DLC1: variants seen among roughly 807,000 people sequenced by gnomAD.
DLC1 encodes DLC1 Rho GTPase activating protein.
Under a neutral mutation model 140.3 loss-of-function variants are expected in DLC1, and 54 were observed. That is an observed-to-expected ratio of 0.38 (90% CI 0.31 to 0.48). The LOEUF is 0.48. Ranked by LOEUF, DLC1 falls within the 20% of genes least tolerant of loss-of-function variation. DLC1 has a pLI of 0.96. For synonymous variants in DLC1, 986 were observed against 728.1 expected (o/e 1.35, Z -5.70); for missense variants, 2,536 against 1,907.0 (o/e 1.33, Z -6.14).
chr8:13,298,007 T>C (rs1464672501), intron 5 of DLC1, among the ~76,000 whole-genome samples: 1 of 152,180 alleles, frequency 6.6e-6, no homozygotes, highest in Non-Finnish European at 1.5e-5. Flanking sequence ...TGGAATAAAA[T>C]TATGAAAATT....
At chr8:13,570,666 G>A (rs1804621288) in intron 1 of DLC1, among the ~76,000 whole-genome samples, 1 of 151,678 alleles carries the variant, frequency 6.6e-6, no homozygotes, top group East Asian at 1.9e-4. Flanking sequence ...TGGTGTATAT[G>A]TGCCAGATTT....
At chr8:13,147,440 T>G (rs1284036664) in intron 5 of DLC1, among the ~76,000 whole-genome samples, 1 of 152,224 alleles carries the variant, frequency 6.6e-6, no homozygotes. Flanking sequence ...ATTTCGAATC[T>G]GAAAACTGGA....
At chr8:13,253,302 G>C (rs1483394956) in intron 5 of DLC1, among the ~76,000 whole-genome samples, 1 of 152,202 alleles carries the variant, frequency 6.6e-6, no homozygotes, top group Non-Finnish European at 1.5e-5. Context: ...TTTGCTTCTT[G>C]CACAGATGTC....
intron 5 of DLC1, chr8:13,132,944 G>A (rs1400383849): frequency 6.2e-7 from 1 of 1,608,578 alleles, no homozygotes; most frequent in East Asian, 2.2e-5. Context: ...TCTAGCTTAC[G>A]TGTTAGGATC....
intron 4 of DLC1, among the ~76,000 whole-genome samples, chr8:13,335,414 G>A (rs986049663): frequency 1.3e-5 from 2 of 152,190 alleles, no homozygotes; most frequent in South Asian, 2.1e-4. Context: ...TTTTCTCTAC[G>A]GAATACTAAT....
chr8:13,170,397 T>A (rs939866168), intron 5 of DLC1, among the ~76,000 whole-genome samples: 1 of 152,172 alleles, frequency 6.6e-6, no homozygotes, highest in African/African-American at 2.4e-5. Flanking sequence ...TAGTAACATA[T>A]AAATGGCATA....
chr8:13,225,785 T>C (rs1828770320), intron 5 of DLC1, among the ~76,000 whole-genome samples: 1 of 151,946 alleles, frequency 6.6e-6, no homozygotes, highest in Non-Finnish European at 1.5e-5. Flanking sequence ...CCGGCTAATT[T>C]TTTGTATTTT....
chr8:13,215,537 G>C (rs185405364), intron 5 of DLC1, among the ~76,000 whole-genome samples: 1 of 152,128 alleles, frequency 6.6e-6, no homozygotes, highest in East Asian at 1.9e-4. Context: ...AGTTAGCCAA[G>C]ATCACGCCAC....
intron 5 of DLC1, among the ~76,000 whole-genome samples, chr8:13,181,323 T>C (rs911717676): frequency 5.3e-5 from 8 of 151,568 alleles, no homozygotes; most frequent in African/African-American, 1.2e-4. Context: ...TCTTTTTTTT[T>C]TTTCTTTCTT....
At chr8:13,367,511 G>A (rs1157958305) in intron 4 of DLC1, among the ~76,000 whole-genome samples, 1 of 152,066 alleles carries the variant, frequency 6.6e-6, no homozygotes, top group East Asian at 1.9e-4. Context: ...TTGTTTTTTT[G>A]TACAACCTTG....
intron 1 of DLC1, among the ~76,000 whole-genome samples, chr8:13,535,306 A>G (rs921746047): frequency 1.3e-5 from 2 of 152,136 alleles, no homozygotes; most frequent in Non-Finnish European, 2.9e-5. Flanking sequence ...TGAGAAAGCA[A>G]CATTTGAATG....
At chr8:13,203,958 C>G (rs189780794) in intron 5 of DLC1, among the ~76,000 whole-genome samples, 1 of 152,226 alleles carries the variant, frequency 6.6e-6, no homozygotes, top group African/African-American at 2.4e-5. Flanking sequence ...CCATGACAAG[C>G]CATGCACAGA....
chr8:13,408,408 A>C (rs1837656417), intron 2 of DLC1, among the ~76,000 whole-genome samples: 1 of 152,208 alleles, frequency 6.6e-6, no homozygotes, highest in Non-Finnish European at 1.5e-5. Context: ...GACATGTTGA[A>C]GAAAATTGGT....
rs778333066 is a variant in DLC1 at position 13,105,199 on chromosome 8, A to T, written c.1503-2346T>A. On this transcript the variant is annotated intron_variant, in intron 7 of 17. Coordinates refer to ENST00000276297, the MANE Select transcript of DLC1 (RefSeq NM_182643.3). ...GGAGGCCAGTTCTATAAAGGTCAAC[A>T]TTACCTTTTTATGTTGGTAGCACCC... Among the ~76,000 whole-genome samples, 4 of 152,188 alleles carry T rather than the reference A, an allele frequency of 2.6e-5. No individual in the cohort carries two copies. The East Asian group carries it at 7.7e-4, about 29-fold the overall frequency.
At chr8:13,475,322 T>C (rs1405301984) in intron 2 of DLC1, among the ~76,000 whole-genome samples, 1 of 152,194 alleles carries the variant, frequency 6.6e-6, no homozygotes, top group Non-Finnish European at 1.5e-5. Context: ...TTCAAAAAAA[T>C]CTTTACTTTG....
rs367854216 is a variant in DLC1 at position 13,473,096 on chromosome 8, G to A, written c.1023+25953C>T. 7.9e-5 allele frequency among the ~76,000 whole-genome samples: 12 copies of A among 152,324 alleles called. No homozygotes were observed. In the South Asian group the frequency reaches 2.5e-3, roughly 32 times the overall value. ...ACTATTATTATGCAGGTCAGGGGGT[G>A]ATATGCAGACTTGATGTGCAGGAAG... is the stretch of plus-strand genomic sequence containing the variant. On this transcript the variant is annotated intron_variant, in intron 2 of 17. Transcript: ENST00000276297.
At chr8:13,580,648 A>G in intron 1 of DLC1, among the ~76,000 whole-genome samples, 1 of 152,202 alleles carries the variant, frequency 6.6e-6, no homozygotes, top group East Asian at 1.9e-4. Flanking sequence ...ATTGATGCAT[A>G]TGGAAGACCA....
chr8:13,115,516 A>G (rs1269942634), intron 6 of DLC1, 70 bp downstream of exon 6: 1 of 1,353,550 alleles, frequency 7.4e-7, no homozygotes, highest in Non-Finnish European at 1.0e-6. Context: ...AATAAGTCAT[A>G]GATCAGTAAT....
intron 5 of DLC1, among the ~76,000 whole-genome samples, chr8:13,135,667 C>A (rs1822517460): frequency 6.6e-6 from 1 of 152,140 alleles, no homozygotes; most frequent in African/African-American, 2.4e-5. Context: ...TCCAAATACA[C>A]CAATTCTCAG....
Sources: allele counts gnomAD v4.1 joint callset (sites outside exome capture counted in the v4.1 genomes callset), GRCh38; gene constraint gnomAD v4.1.1; transcripts MANE v1.5; gene names NCBI Gene and HGNC (gene_info 2026-07-23, HGNC 2026-07-21).